The following LRBA variants were observed in gnomAD, a reference collection of about 807,000 sequenced individuals.
LRBA encodes lipopolysaccharide-responsive and beige-like anchor protein.
LRBA carries 176 observed loss-of-function variants against 330.0 expected under a neutral mutation model. The ratio of observed to expected loss-of-function variants is 0.53; its 90% CI spans 0.47 to 0.60. The LOEUF (loss-of-function observed/expected upper bound fraction) is 0.60. LRBA is among the 20% of genes least tolerant of loss of function. LRBA has a pLI of 0.00. For synonymous variants in LRBA, 1,230 were observed against 1,193.0 expected, an observed-to-expected ratio of 1.03 and a Z score of -0.64; for missense variants, 3,259 against 3,444.8, an observed-to-expected ratio of 0.95 and a Z score of 1.35.
At position 150,489,377 on chromosome 4, in the gene LRBA, TAC is replaced by T. The variant is rs1285045135; in HGVS notation, c.6448+1539_6448+1540del. 5.3e-3 allele frequency among the ~76,000 whole-genome samples: 378 copies of T among 71,120 alleles called. 32 individuals are homozygous for T. Among genetic ancestry groups the T allele is most frequent in the African/African-American group, 9.6e-3 (195 of 20,342 alleles). 46.7% of individuals were successfully genotyped at this position (71,120 alleles called of 152,430 possible). Reference sequence around the variant, plus strand: ...TTACATATAAGAATATAAAATATATTACATATAAGAATATAAAATATATTATA... The same window carrying T: ...TTACATATAAGAATATAAAATATATTATATAAGAATATAAAATATATTATA... On this transcript the variant is annotated intron_variant, in intron 41 of 56. Coordinates refer to ENST00000651943, the MANE Select transcript of LRBA (RefSeq NM_001364905.1).
chr4:150,676,833 A>G (rs1582013870), intron 37 of LRBA, among the ~76,000 whole-genome samples: 1 of 152,156 alleles, frequency 6.6e-6, no homozygotes, highest in Non-Finnish European at 1.5e-5. Context: ...TATCTGCTGA[A>G]TCTCAAAATT....
At chr4:150,275,377 GAT>G (rs1485766639) in intron 56 of LRBA, among the ~76,000 whole-genome samples, 1 of 152,110 alleles carries the variant, frequency 6.6e-6, no homozygotes, top group Non-Finnish European at 1.5e-5. Context: ...ACAAGACAAG[GAT>G]ATACCCTCTC....
chr4:150,717,236 A>T (rs1728321423), intron 36 of LRBA, among the ~76,000 whole-genome samples: 1 of 152,220 alleles, frequency 6.6e-6, no homozygotes, highest in African/African-American at 2.4e-5. Flanking sequence ...ATATTTGTTA[A>T]GAATTCAGAA....
At chr4:150,551,538 G>C (rs746468670) in intron 40 of LRBA, among the ~76,000 whole-genome samples, 1 of 150,304 alleles carries the variant, frequency 6.7e-6, no homozygotes. Context: ...AATTAGCCAG[G>C]AGTGGTGGAA....
At chr4:150,973,010 G>A (rs1739743474) in intron 2 of LRBA, among the ~76,000 whole-genome samples, 1 of 152,206 alleles carries the variant, frequency 6.6e-6, no homozygotes, top group South Asian at 2.1e-4. Flanking sequence ...TCTTGGCCGG[G>A]ACTGGTGATG....
intron 37 of LRBA, among the ~76,000 whole-genome samples, chr4:150,607,917 C>T (rs1182624142): frequency 6.6e-6 from 1 of 152,174 alleles, no homozygotes; most frequent in Admixed American, 6.5e-5. Context: ...TGCCTGTAAT[C>T]TCAGCTACTT....
At chr4:150,981,410 CAAA>C (rs58638225) in intron 2 of LRBA, among the ~76,000 whole-genome samples, 21 of 106,388 alleles carry the variant, frequency 2.0e-4, no homozygotes, top group Admixed American at 2.0e-4. Context: ...GAGACTGTCT[CAAA>C]AAAAAAAAAA....
At chr4:150,455,138 C>T (rs1317968586) in intron 44 of LRBA, among the ~76,000 whole-genome samples, 2 of 146,376 alleles carry the variant, frequency 1.4e-5, no homozygotes, top group Non-Finnish European at 3.0e-5. Context: ...CCCCACCCCA[C>T]CACAGTCCCC....
At chr4:150,717,675 G>GTAGTAATAATAATAATAATAA (rs1553944910) in intron 36 of LRBA, among the ~76,000 whole-genome samples, 2 of 139,778 alleles carry the variant, frequency 1.4e-5, no homozygotes, top group African/African-American at 2.6e-5. Flanking sequence ...AACAATAATA[G>GTAGTAATAATAATAATAATAA]TAATAATAAT....
intron 2 of LRBA, among the ~76,000 whole-genome samples, chr4:150,952,498 T>C (rs895997635): frequency 5.9e-5 from 9 of 151,538 alleles, no homozygotes; most frequent in Admixed American, 2.6e-4. Flanking sequence ...CTTTAAACAA[T>C]AAAAAAAAGG....
At chr4:150,331,003 A>G (rs1733927037) in intron 48 of LRBA, among the ~76,000 whole-genome samples, 1 of 152,108 alleles carries the variant, frequency 6.6e-6, no homozygotes, top group African/African-American at 2.4e-5. Context: ...ATTTGCTATT[A>G]GAAAGAAACC....
chr4:150,702,717 G>A (rs187512065), intron 36 of LRBA, among the ~76,000 whole-genome samples: 8 of 151,990 alleles, frequency 5.3e-5, no homozygotes, highest in Non-Finnish European at 4.4e-5. Context: ...TACAACTTAC[G>A]TGTAATTAAA....
chr4:150,906,456 TA>T (rs759671436), intron 11 of LRBA, 51 bp from the exon 12 acceptor site: 38 of 1,029,878 alleles, frequency 3.7e-5, no homozygotes, highest in Non-Finnish European at 5.0e-5. Context: ...CTATTTTTTT[TA>T]AATTAGGTTA....
At chr4:150,301,699 A>G (rs906457223) in intron 53 of LRBA, among the ~76,000 whole-genome samples, 2 of 152,136 alleles carry the variant, frequency 1.3e-5, no homozygotes, top group South Asian at 2.1e-4. Context: ...CCATTTCACA[A>G]TCTGGGGTGG....
chr4:151,005,382 G>A (rs1298737730), intron 2 of LRBA, among the ~76,000 whole-genome samples: 3 of 126,200 alleles, frequency 2.4e-5, no homozygotes, highest in African/African-American at 9.3e-5. Context: ...AGGTTGCAGT[G>A]AGCCAAGATC....
At chr4:150,709,993 G>A (rs1786018218) in intron 36 of LRBA, among the ~76,000 whole-genome samples, 1 of 151,932 alleles carries the variant, frequency 6.6e-6, no homozygotes, top group Non-Finnish European at 1.5e-5. Flanking sequence ...TAAGAGCAAT[G>A]GGAAGGAACT....
At position 150,265,801 on chromosome 4, in the gene LRBA, G is replaced by GA. The variant is rs1319390703; in HGVS notation, c.8479dup (p.Ser2827PhefsTer16). On this transcript the variant is annotated frameshift_variant, in exon 57 of 57. Coordinates refer to ENST00000651943, the MANE Select transcript of LRBA (RefSeq NM_001364905.1). LOFTEE classifies it high-confidence loss of function. ...CACAATGCTTCCTGAAGCCATGCCA[G>GA]AAATGATGCACCTAGGAGAAGCACA... The GA allele has an allele frequency of 6.2e-7, 1 of 1,610,276 alleles. No individual in the cohort carries two copies. Among genetic ancestry groups the GA allele is most frequent in the Admixed American group, 1.7e-5 (1 of 60,002 alleles).
intron 36 of LRBA, among the ~76,000 whole-genome samples, chr4:150,727,515 C>T (rs1170963857): frequency 1.3e-5 from 2 of 152,146 alleles, no homozygotes; most frequent in Admixed American, 6.5e-5. Flanking sequence ...TATCAAGCAT[C>T]TTCTCTGACC....
chr4:150,856,932 A>G (rs942060457), intron 22 of LRBA, among the ~76,000 whole-genome samples: 1 of 152,140 alleles, frequency 6.6e-6, no homozygotes, highest in African/African-American at 2.4e-5. Flanking sequence ...TTGGCACTCA[A>G]ATTTACTAAT....
Sources: gnomAD v4.1 joint callset for allele counts (sites outside exome capture counted in the v4.1 genomes callset) on GRCh38, gnomAD v4.1.1 for gene constraint, MANE v1.5 for transcripts, NCBI Gene and HGNC (gene_info 2026-07-23, HGNC 2026-07-21) for gene names.